The following SRGAP3 variants were observed in gnomAD, a reference collection of about 807,000 sequenced individuals.
SRGAP3 encodes the protein SLIT-ROBO Rho GTPase-activating protein 3.
A neutral mutation model predicts 121.1 loss-of-function variants in SRGAP3; 39 were observed. The ratio of observed to expected loss-of-function variants is 0.32; its 90% CI spans 0.25 to 0.42. The LOEUF (loss-of-function observed/expected upper bound fraction) is 0.42, where lower values mean the gene tolerates loss of function less well. SRGAP3 is among the 10% of genes least tolerant of loss of function. SRGAP3 has a pLI of 1.00. For missense variants in SRGAP3, 1,213 were observed against 1,470.6 expected (o/e 0.82, Z 2.86); for synonymous variants, 601 against 570.0 (o/e 1.05, Z -0.77).
intron 1 of SRGAP3, among the ~76,000 whole-genome samples, chr3:9,180,132 C>T (rs1003590165): frequency 6.6e-6 from 1 of 152,246 alleles, no homozygotes; most frequent in Non-Finnish European, 1.5e-5. Context: ...ATGGCTTCTA[C>T]CACCTTTCAC....
At position 9,248,960 on chromosome 3, in the gene SRGAP3, G is replaced by A. The variant is rs772150781; in HGVS notation, c.-9C>T. ...TTAGTTTGAGATGACATCTTCTGAC[G>A]TGGCCAAAGGAACTGACAGGCTGTT... is the stretch of plus-strand genomic sequence containing the variant. On this transcript the variant is annotated 5_prime_UTR_variant, in exon 1 of 22. It adds an upstream start codon to the 5' untranslated region. Transcript: ENST00000383836. The A allele has an allele frequency of 3.7e-6, 6 of 1,613,922 alleles. No individual in the cohort carries two copies. The highest frequency in any genetic ancestry group is 1.7e-5 in the Admixed American group (1 of 60,004).
chr3:9,264,644 C>T (rs1306967568), intron 3 of SRGAP3, among the ~76,000 whole-genome samples: 1 of 152,032 alleles, frequency 6.6e-6, no homozygotes, highest in Non-Finnish European at 1.5e-5. Context: ...GAATAAAATA[C>T]CTAAAAATAC....
At chr3:9,177,325 C>T (rs756996275) in intron 1 of SRGAP3, among the ~76,000 whole-genome samples, 10 of 152,138 alleles carry the variant, frequency 6.6e-5, no homozygotes, top group African/African-American at 1.9e-4. Flanking sequence ...AAGAGGTTTA[C>T]GGTGCAATTT....
At chr3:8,996,377 C>A (rs1942401717) in intron 18 of SRGAP3, among the ~76,000 whole-genome samples, 1 of 152,234 alleles carries the variant, frequency 6.6e-6, no homozygotes, top group South Asian at 2.1e-4. Context: ...CTGGAAGCAA[C>A]TGGCTCAAGA....
intron 11 of SRGAP3, chr3:9,037,140 C>A (rs1447691156): frequency 6.6e-6 from 1 of 152,188 alleles, no homozygotes; most frequent in Non-Finnish European, 1.5e-5. Flanking sequence ...GATTTGGGGC[C>A]ACTGGAAAGC....
intron 1 of SRGAP3, among the ~76,000 whole-genome samples, chr3:9,189,214 A>C (rs2125134842): frequency 6.6e-6 from 1 of 152,326 alleles, no homozygotes; most frequent in Middle Eastern, 3.4e-3. Context: ...TGGCTAAATC[A>C]AATTAAAAAC....
rs80318424 is a variant in SRGAP3 at position 9,102,640 on chromosome 3, C to T, written c.423+2040G>A. ...AAGTCAGCCAGCCAGGCTCCGTCCG[C>T]GCCTCTCTCCAAAGCCCCTGTGGGC... On this transcript the variant is annotated intron_variant, in intron 3 of 21. Coordinates refer to ENST00000383836, the MANE Select transcript of SRGAP3 (RefSeq NM_014850.4). Among the ~76,000 whole-genome samples, 100 of 152,342 alleles carry T rather than the reference C, an allele frequency of 6.6e-4. 1 individual carries two copies. In the East Asian group the frequency reaches 0.012, roughly 19 times the overall value.
At chr3:8,995,970 A>C (rs1455087034) in intron 18 of SRGAP3, among the ~76,000 whole-genome samples, 1 of 152,062 alleles carries the variant, frequency 6.6e-6, no homozygotes, top group Non-Finnish European at 1.5e-5. Context: ...TGCTCCATTC[A>C]CTGTGGACAA....
At chr3:9,224,175 C>G (rs962423546) in intron 1 of SRGAP3, among the ~76,000 whole-genome samples, 15 of 152,154 alleles carry the variant, frequency 9.9e-5, no homozygotes, top group Non-Finnish European at 1.9e-4. Flanking sequence ...CGAGTGCTAC[C>G]CAAGCCAAGT....
intron 10 of SRGAP3, among the ~76,000 whole-genome samples, chr3:9,044,353 G>A (rs564370687): frequency 3.3e-5 from 5 of 152,306 alleles, no homozygotes; most frequent in African/African-American, 1.2e-4. Flanking sequence ...GCCAGTGGGC[G>A]GGTACCATAT....
chr3:9,091,257 C>T (rs1343822778), intron 3 of SRGAP3, among the ~76,000 whole-genome samples: 1 of 152,070 alleles, frequency 6.6e-6, no homozygotes, highest in East Asian at 1.9e-4. Context: ...AGCCAGCCCC[C>T]TGTCTCTCTT....
At chr3:9,179,464 A>G (rs1951298785) in intron 1 of SRGAP3, among the ~76,000 whole-genome samples, 1 of 152,240 alleles carries the variant, frequency 6.6e-6, no homozygotes, top group Admixed American at 6.5e-5. Context: ...GGCACTTAGT[A>G]AGCACCTGGC....
In SRGAP3 at chr3:9,179,914, G is replaced by A. The variant is rs1575196297; in HGVS notation, c.68-54997C>T. The stretch of plus-strand genomic sequence containing the variant: ...CTGTCCTGTTCAGTGTTGTGTCCCT[G>A]AGGTCCAGCACAGGGCCAGATGCCC... On this transcript the variant is annotated intron_variant, in intron 1 of 21. Transcript: ENST00000383836. Among the ~76,000 whole-genome samples, 3 of 152,350 alleles carry A rather than the reference G, an allele frequency of 2.0e-5. No individual in the cohort carries two copies. In the South Asian group the frequency reaches 6.2e-4, roughly 32 times the overall value.
intron 9 of SRGAP3, among the ~76,000 whole-genome samples, chr3:9,049,829 A>G (rs1362568363): frequency 6.7e-6 from 1 of 148,466 alleles, no homozygotes; most frequent in Non-Finnish European, 1.5e-5. Flanking sequence ...GCTGGAGTGC[A>G]GTAGTACGAT....
At chr3:9,227,119 G>A (rs900306834) in intron 1 of SRGAP3, among the ~76,000 whole-genome samples, 2 of 152,296 alleles carry the variant, frequency 1.3e-5, no homozygotes, top group Admixed American at 6.5e-5. Context: ...CTGAGAATGA[G>A]GGCCCAGTGT....
intron 4 of SRGAP3, among the ~76,000 whole-genome samples, chr3:9,072,342 G>A (rs1200281064): frequency 6.6e-6 from 1 of 152,174 alleles, no homozygotes; most frequent in Non-Finnish European, 1.5e-5. Context: ...CCCACACACT[G>A]TCATATCCCC....
At chr3:9,284,502 G>A (rs574411680) in intron 3 of SRGAP3, among the ~76,000 whole-genome samples, 1 of 152,308 alleles carries the variant, frequency 6.6e-6, no homozygotes, top group East Asian at 1.9e-4. Flanking sequence ...AGTCAACACA[G>A]TGAAATGGCA....
chr3:9,065,025 C>G (rs951698419), intron 4 of SRGAP3, among the ~76,000 whole-genome samples: 1 of 152,160 alleles, frequency 6.6e-6, no homozygotes, highest in Non-Finnish European at 1.5e-5. Context: ...CGTCTCCTCC[C>G]AGTGCCGCGG....
chr3:9,178,553 G>A (rs1402830316), intron 1 of SRGAP3, among the ~76,000 whole-genome samples: 1 of 152,176 alleles, frequency 6.6e-6, no homozygotes, highest in Non-Finnish European at 1.5e-5. Flanking sequence ...TTCACTGATA[G>A]ATCTCTCCAG....
Sources: gnomAD v4.1 joint callset for allele counts (sites outside exome capture counted in the v4.1 genomes callset) on GRCh38, gnomAD v4.1.1 for gene constraint, MANE v1.5 for transcripts, NCBI Gene and HGNC (gene_info 2026-07-23, HGNC 2026-07-21) for gene names.